SMIM13: variants seen among roughly 807,000 people sequenced by gnomAD.
SMIM13 encodes the protein small integral membrane protein 13, also known as UPF0766 protein C6orf228.
In SMIM13, 3 loss-of-function variants were observed where a neutral mutation model predicts 5.9. That is an observed-to-expected ratio of 0.51 (90% CI 0.23 to 1.31). The LOEUF is 1.31. Among genes scored for constraint, SMIM13 ranks in the 40% most tolerant of loss-of-function variants. The pLI is 0.18. For missense variants in SMIM13, 85 were observed against 109.9 expected (o/e 0.77, Z 1.01); for synonymous variants, 55 against 46.0 (o/e 1.19, Z -0.79).
chr6:11,113,322 A>T (rs961671514), intron 1 of SMIM13, among the ~76,000 whole-genome samples: 9 of 152,230 alleles, frequency 5.9e-5, no homozygotes, highest in Non-Finnish European at 1.3e-4. Flanking sequence ...TAATTTAGCC[A>T]TTCTAGAGGA....
chr6:11,133,509 T>A (rs551189326), intron 1 of SMIM13, among the ~76,000 whole-genome samples: 1 of 152,294 alleles, frequency 6.6e-6, no homozygotes, highest in Non-Finnish European at 1.5e-5. Flanking sequence ...TGTGTTTCAT[T>A]TCTATTCTAT....
At chr6:11,133,889 G>A (rs72825153) in intron 1 of SMIM13, among the ~76,000 whole-genome samples, 4,147 of 152,062 alleles carry the variant, frequency 0.027, 69 homozygotes, top group South Asian at 0.073. Context: ...TTAAGAAAAT[G>A]TATTTTCTTT....
chr6:11,112,887 A>C (rs913908178), intron 1 of SMIM13, among the ~76,000 whole-genome samples: 18 of 152,124 alleles, frequency 1.2e-4, no homozygotes, highest in African/African-American at 4.3e-4. Flanking sequence ...GGCTCACTGC[A>C]ACCTTTGCCT....
chr6:11,120,859 C>G (rs1169755243), intron 1 of SMIM13, among the ~76,000 whole-genome samples: 4 of 152,178 alleles, frequency 2.6e-5, no homozygotes, highest in African/African-American at 9.7e-5. Context: ...TGTAAAAGCA[C>G]TGTGTGAACT....
intron 1 of SMIM13, chr6:11,105,327 C>G (rs1758069557): frequency 6.3e-7 from 1 of 1,589,368 alleles, no homozygotes; most frequent in Admixed American, 1.8e-5. Flanking sequence ...CTAAGAGAAA[C>G]TGGTCACAAA....
At chr6:11,098,652 T>G (rs1225113405) in intron 1 of SMIM13, among the ~76,000 whole-genome samples, 1 of 152,136 alleles carries the variant, frequency 6.6e-6, no homozygotes, top group Non-Finnish European at 1.5e-5. Context: ...AGGCTTGTCT[T>G]GAACTCCTGA....
chr6:11,109,902 C>G (rs950210305), intron 1 of SMIM13, among the ~76,000 whole-genome samples: 4 of 152,104 alleles, frequency 2.6e-5, no homozygotes, highest in African/African-American at 9.7e-5. Context: ...TCCCTACTGT[C>G]TTTTTCCTGA....
At chr6:11,104,092 C>T (rs754689107) in intron 1 of SMIM13, 60 of 1,551,550 alleles carry the variant, frequency 3.9e-5, no homozygotes, top group Admixed American at 7.8e-5. Context: ...GCTAAAGAGT[C>T]GATTTGTTCT....
rs189333604 is a variant in SMIM13, at chr6:11,106,006, G to T, written c.76+11617G>T. Among the ~76,000 whole-genome samples the T allele has an allele frequency of 2.7e-3, 404 of 152,302 alleles. 1 individual carries two copies. Among genetic ancestry groups the T allele is most frequent in the Non-Finnish European group, 4.7e-3 (320 of 68,026 alleles). On this transcript the variant is annotated intron_variant, in intron 1 of 1. Transcript: ENST00000416247. ...GCTGTGCTGTTTCCTGGCAGAGTTT[G>T]TTGGGGATGTGTTTGAGGGTTTGGT...
chr6:11,105,066 A>C, intron 1 of SMIM13: 2 of 1,614,198 alleles, frequency 1.2e-6, no homozygotes, highest in Non-Finnish European at 1.7e-6. Flanking sequence ...CAGTCCTTTC[A>C]GATTAGGGTC....
chr6:11,096,209 G>A (rs1160364161), intron 1 of SMIM13, among the ~76,000 whole-genome samples: 1 of 152,174 alleles, frequency 6.6e-6, no homozygotes, highest in Non-Finnish European at 1.5e-5. Flanking sequence ...GGATGGTTTT[G>A]GGATAAAATT....
chr6:11,123,514 A>G (rs1758337727), intron 1 of SMIM13, among the ~76,000 whole-genome samples: 1 of 152,220 alleles, frequency 6.6e-6, no homozygotes, highest in Non-Finnish European at 1.5e-5. Flanking sequence ...AATACCATAG[A>G]TGAATAGATT....
chr6:11,118,238 T>C (rs1758266872), intron 1 of SMIM13, among the ~76,000 whole-genome samples: 2 of 152,246 alleles, frequency 1.3e-5, no homozygotes, highest in Non-Finnish European at 1.5e-5. Flanking sequence ...TGCTATTGAT[T>C]GAAATGTTCT....
At chr6:11,104,893 G>T (rs1356005267) in intron 1 of SMIM13, 2 of 1,614,220 alleles carry the variant, frequency 1.2e-6, no homozygotes, top group East Asian at 4.5e-5. Flanking sequence ...GTACTTGGAA[G>T]AGTGCCTACA....
chr6:11,127,043 C>G (rs1758386269), intron 1 of SMIM13, among the ~76,000 whole-genome samples: 1 of 152,188 alleles, frequency 6.6e-6, no homozygotes, highest in Non-Finnish European at 1.5e-5. Flanking sequence ...AACATAGTCA[C>G]CCCTGTGGCC....
chr6:11,114,283 C>T (rs1561755914), intron 1 of SMIM13, among the ~76,000 whole-genome samples: 1 of 152,078 alleles, frequency 6.6e-6, no homozygotes, highest in African/African-American at 2.4e-5. Flanking sequence ...TTTACCTTTT[C>T]TTCCCAATGT....
At chr6:11,120,760 A>C (rs1300929416) in intron 1 of SMIM13, among the ~76,000 whole-genome samples, 1 of 152,170 alleles carries the variant, frequency 6.6e-6, no homozygotes, top group Non-Finnish European at 1.5e-5. Flanking sequence ...GTCATGAGTC[A>C]CTGTGTGCCT....
chr6:11,136,014 A>G lies in SMIM13; in HGVS notation c.*1412A>G, dbSNP rs1758513671. On this transcript the variant is annotated 3_prime_UTR_variant, in exon 2 of 2. Transcript: ENST00000416247. Reference sequence around the variant, plus strand: ...AAACTTGTAATCCTGTGTGAAACACATGTTTTTGGGGGGGAGGGGGTAACC... The same window carrying G: ...AAACTTGTAATCCTGTGTGAAACACGTGTTTTTGGGGGGGAGGGGGTAACC... 1 of 152,100 alleles carries G rather than the reference A, an allele frequency of 6.6e-6. No individual in the cohort carries two copies. Among genetic ancestry groups the G allele is most frequent in the South Asian group, 2.1e-4 (1 of 4,826 alleles). 9.4% of individuals were successfully genotyped at this position (152,100 alleles called of 1,614,324 possible).
intron 1 of SMIM13, among the ~76,000 whole-genome samples, chr6:11,117,165 A>ATTTTTTTTTTTTTTT (rs34579750): frequency 7.2e-5 from 5 of 69,012 alleles, no homozygotes; most frequent in African/African-American, 2.7e-4. Flanking sequence ...TAATTTTTGT[A>ATTTTTTTTTTTTTTT]TTTTTTTTTT....
Sources: gnomAD v4.1 joint callset for allele counts (sites outside exome capture counted in the v4.1 genomes callset) on GRCh38, gnomAD v4.1.1 for gene constraint, MANE v1.5 for transcripts, NCBI Gene and HGNC (gene_info 2026-07-23, HGNC 2026-07-21) for gene names.